MCF2L: variants seen among roughly 807,000 people sequenced by gnomAD.
MCF2L encodes the protein MCF.2 cell line derived transforming sequence like, also known as guanine nucleotide exchange factor DBS.
In MCF2L, 97 loss-of-function variants were observed where a neutral mutation model predicts 153.4. That is an observed-to-expected ratio of 0.63 (90% CI 0.54 to 0.75). MCF2L has a LOEUF of 0.75. Ranked by LOEUF, MCF2L falls within the 30% of genes least tolerant of loss-of-function variation. The probability of loss-of-function intolerance (pLI) is 0.00; values close to 1 mark genes in which losing one functional copy is unlikely to be tolerated. For missense variants in MCF2L, 1,347 were observed against 1,495.2 expected, an observed-to-expected ratio of 0.90 and a Z score of 1.64; for synonymous variants, 659 against 632.2, an observed-to-expected ratio of 1.04 and a Z score of -0.64.
At chr13:113,024,874 C>T (rs1438039604) in intron 3 of MCF2L, 116 bp downstream of exon 3, 1 of 819,500 alleles carries the variant, frequency 1.2e-6, no homozygotes, top group East Asian at 2.7e-5. Flanking sequence ...TGAGATTTCC[C>T]TGTCATGGGG....
chr13:113,015,644 G>A (rs966996738), intron 2 of MCF2L, among the ~76,000 whole-genome samples: 14 of 152,220 alleles, frequency 9.2e-5, no homozygotes, highest in African/African-American at 3.1e-4. Context: ...CTGCACCCCA[G>A]GCCGGGCCTT....
chr13:112,963,577 G>A (rs1364463508), intron 2 of MCF2L, among the ~76,000 whole-genome samples: 2 of 152,214 alleles, frequency 1.3e-5, no homozygotes, highest in East Asian at 1.9e-4. Context: ...CCTGCATGTT[G>A]CTGCTCCATA....
At chr13:112,906,545 C>T (rs1462076308) in intron 2 of MCF2L, among the ~76,000 whole-genome samples, 4 of 152,210 alleles carry the variant, frequency 2.6e-5, no homozygotes. Flanking sequence ...GTCTGGCTCT[C>T]CTCTCCCTGG....
intron 2 of MCF2L, among the ~76,000 whole-genome samples, chr13:112,930,028 G>A (rs2081445718): frequency 2.0e-5 from 3 of 152,224 alleles, no homozygotes; most frequent in African/African-American, 7.2e-5. Flanking sequence ...ACACCTGTTA[G>A]AGCATCGGCT....
At chr13:112,984,383 T>A (rs2082551773) in intron 1 of MCF2L, among the ~76,000 whole-genome samples, 1 of 152,064 alleles carries the variant, frequency 6.6e-6, no homozygotes, top group Non-Finnish European at 1.5e-5. Context: ...TACGGGTATG[T>A]GCCACCGCAC....
At chr13:113,012,645 CTG>C (rs1351188454) in intron 1 of MCF2L, among the ~76,000 whole-genome samples, 1 of 99,802 alleles carries the variant, frequency 1.0e-5, no homozygotes, top group African/African-American at 3.7e-5. Flanking sequence ...ACGGTGGACA[CTG>C]TGATGCGGAC....
At chr13:113,081,692 G>A (rs536047219) in intron 16 of MCF2L, among the ~76,000 whole-genome samples, 1 of 152,386 alleles carries the variant, frequency 6.6e-6, no homozygotes, top group African/African-American at 2.4e-5. Context: ...CTTGATGTGA[G>A]TGGTGGTCAC....
chr13:112,975,079 C>T (rs913011728), intron 1 of MCF2L, among the ~76,000 whole-genome samples: 4 of 152,164 alleles, frequency 2.6e-5, no homozygotes, highest in African/African-American at 9.7e-5. Flanking sequence ...ACACTTCTAC[C>T]CTTCGGATTA....
rs186601487 is a variant in MCF2L, at chr13:112,906,482, A to G, written c.169+4111A>G. On this transcript the variant is annotated intron_variant, in intron 2 of 29. Transcript: ENST00000375608. ...TGCCCACAGGAACATGCACACACGC[A>G]TATGTACACACACGCACACACGGTG... 4.2e-3 allele frequency among the ~76,000 whole-genome samples: 642 copies of G among 152,306 alleles called. 6 individuals carry two copies. Among genetic ancestry groups the G allele is most frequent in the South Asian group, 0.034 (164 of 4,824 alleles).
intron 2 of MCF2L, among the ~76,000 whole-genome samples, chr13:112,914,437 T>G (rs577041313): frequency 3.9e-5 from 6 of 152,176 alleles, no homozygotes; most frequent in Non-Finnish European, 8.8e-5. Context: ...ACTGTAGTGG[T>G]GCAATTAGTA....
chr13:113,085,640 T>G (rs1449735593), intron 20 of MCF2L, among the ~76,000 whole-genome samples: 2 of 151,392 alleles, frequency 1.3e-5, no homozygotes, highest in Admixed American at 6.6e-5. Context: ...GCGAGGGGTT[T>G]GCACCTGGCA....
rs1566769622 is a variant in MCF2L at position 113,031,911 on chromosome 13, C to A, written c.278+7153C>A. Among the ~76,000 whole-genome samples the A allele has an allele frequency of 1.3e-5, 2 of 152,076 alleles. No homozygotes were observed. The highest frequency in any genetic ancestry group is 4.8e-5 in the African/African-American group (2 of 41,390). The stretch of plus-strand genomic sequence containing the variant: ...ACACAGATGCACGCAGACACGCAGG[C>A]ACTCATGCACTTACATACACAGATG... On this transcript the variant is annotated intron_variant, in intron 3 of 29. Coordinates refer to ENST00000535094, the MANE Select transcript of MCF2L (RefSeq NM_001112732.3). The surrounding 1 kb of genome is among the most constrained non-coding windows in gnomAD (Gnocchi z 5.5).
chr13:112,926,903 C>T (rs552896238), intron 2 of MCF2L, among the ~76,000 whole-genome samples: 8 of 152,160 alleles, frequency 5.3e-5, no homozygotes, highest in Admixed American at 2.6e-4. Flanking sequence ...TTAAGTGTTC[C>T]CACCACTAAG....
chr13:113,007,225 CCCACCTGGCTGAAA>C (rs1827236732), intron 1 of MCF2L, among the ~76,000 whole-genome samples: 2 of 152,308 alleles, frequency 1.3e-5, no homozygotes, highest in South Asian at 4.1e-4. Flanking sequence ...GATGCTGAGG[CCCACCTGGCTGAAA>C]CTGCACTCAG....
At chr13:113,095,021 G>GTC (rs2035530777) in intron 27 of MCF2L, 1 of 1,374,528 alleles carries the variant, frequency 7.3e-7, no homozygotes, top group Non-Finnish European at 9.7e-7. Flanking sequence ...TTCCTCAGAG[G>GTC]AGACAGTCCC....
chr13:112,898,830 C>T (rs930956295), intron 1 of MCF2L, among the ~76,000 whole-genome samples: 2 of 152,198 alleles, frequency 1.3e-5, no homozygotes, highest in African/African-American at 4.8e-5. Context: ...GCATCAGCTG[C>T]TCTCAGGCCC....
chr13:112,920,202 A>G (rs2081338273), intron 2 of MCF2L, among the ~76,000 whole-genome samples: 1 of 152,220 alleles, frequency 6.6e-6, no homozygotes, highest in South Asian at 2.1e-4. Flanking sequence ...GAGCTCACGT[A>G]TGGGTACATG....
chr13:112,970,538 G>C (rs908438106), intron 1 of MCF2L, among the ~76,000 whole-genome samples: 4 of 152,158 alleles, frequency 2.6e-5, no homozygotes, highest in Admixed American at 1.3e-4. Context: ...TCTGAAGCTT[G>C]AGTGGAGCTT....
At chr13:113,065,339 G>A (rs56320410) in intron 7 of MCF2L, 92,101 of 516,004 alleles carry the variant, frequency 0.18, 9,886 homozygotes, top group South Asian at 0.25. Flanking sequence ...CCATTCTGGC[G>A]TTGGGTCAAC....
Sources: allele counts gnomAD v4.1 joint callset (sites outside exome capture counted in the v4.1 genomes callset), GRCh38; gene constraint gnomAD v4.1.1; non-coding constraint Gnocchi (gnomAD v3.1); transcripts MANE v1.5; gene names NCBI Gene and HGNC (gene_info 2026-07-23, HGNC 2026-07-21).